Variants in ADAMTS17 observed in about 807,000 individuals in gnomAD.
ADAMTS17 encodes A disintegrin and metalloproteinase with thrombospondin motifs 17.
In ADAMTS17, 113 loss-of-function variants were observed where a neutral mutation model predicts 141.5. The observed-to-expected ratio is 0.80, with a 90% CI of 0.69 to 0.93. The LOEUF (loss-of-function observed/expected upper bound fraction) is 0.93, where lower values mean the gene tolerates loss of function less well. ADAMTS17 is among the 40% of genes least tolerant of loss of function. The pLI, the probability that ADAMTS17 is intolerant of heterozygous loss-of-function variation, is 0.00. For synonymous variants in ADAMTS17, 768 were observed against 630.6 expected (o/e 1.22, Z -3.27); for missense variants, 1,659 against 1,517.9 (o/e 1.09, Z -1.54).
intron 18 of ADAMTS17, among the ~76,000 whole-genome samples, chr15:100,005,653 C>T (rs187058009): frequency 5.8e-4 from 89 of 152,236 alleles, no homozygotes; most frequent in African/African-American, 1.9e-3. Context: ...ATTACCAACC[C>T]GATAATCAGT....
At chr15:100,155,001 C>A (rs562700557) in intron 9 of ADAMTS17, among the ~76,000 whole-genome samples, 179 bp downstream of exon 9, 2 of 152,216 alleles carry the variant, frequency 1.3e-5, no homozygotes, top group Non-Finnish European at 2.9e-5. Context: ...GGAGCAGATG[C>A]GCATGTGGGA....
intron 18 of ADAMTS17, among the ~76,000 whole-genome samples, chr15:100,024,048 C>T (rs572038291): frequency 8.5e-5 from 13 of 152,170 alleles, no homozygotes; most frequent in Admixed American, 1.3e-4. Flanking sequence ...CTATTGATAG[C>T]GAAGCAATTC....
At chr15:100,016,623 T>C (rs990752289) in intron 18 of ADAMTS17, among the ~76,000 whole-genome samples, 115 of 152,316 alleles carry the variant, frequency 7.6e-4, no homozygotes, top group East Asian at 1.2e-3. Context: ...ACTGAAGTGA[T>C]TGCTGTCTCT....
intron 15 of ADAMTS17, among the ~76,000 whole-genome samples, chr15:100,088,429 A>C (rs1366198382): frequency 6.6e-6 from 1 of 152,242 alleles, no homozygotes; most frequent in African/African-American, 2.4e-5. Flanking sequence ...TAATTTATAG[A>C]TTCAATGACA....
At chr15:100,044,140 T>G (rs552845960) in intron 18 of ADAMTS17, among the ~76,000 whole-genome samples, 2 of 152,344 alleles carry the variant, frequency 1.3e-5, no homozygotes, top group African/African-American at 2.4e-5. Flanking sequence ...GTTATGGCAC[T>G]TTGAATTAAT....
intron 8 of ADAMTS17, among the ~76,000 whole-genome samples, chr15:100,183,017 C>G (rs1036917076): frequency 2.0e-5 from 3 of 151,936 alleles, no homozygotes; most frequent in African/African-American, 7.3e-5. Context: ...GAGACAGAGT[C>G]TCGCACTGTC....
chr15:100,326,564 T>C (rs1157225836), intron 3 of ADAMTS17, among the ~76,000 whole-genome samples: 1 of 152,238 alleles, frequency 6.6e-6, no homozygotes, highest in East Asian at 1.9e-4. Flanking sequence ...GGATTACACC[T>C]GGATTTGAGA....
chr15:100,004,944 T>C lies in ADAMTS17; in HGVS notation c.2592-7355A>G, dbSNP rs114573908. Among the ~76,000 whole-genome samples, 1,391 of 152,322 alleles carry C rather than the reference T, an allele frequency of 9.1e-3. 27 individuals are homozygous for C. Among genetic ancestry groups the C allele is most frequent in the African/African-American group, 0.032 (1,310 of 41,572 alleles). On this transcript the variant is annotated intron_variant, in intron 18 of 21. Transcript: ENST00000268070. ...CTCATTTTTGAAGTTTTAGTAGAGA[T>C]GGAGTTTTGGCATGTATGCCAGGCT... is the stretch of plus-strand genomic sequence containing the variant.
intron 17 of ADAMTS17, among the ~76,000 whole-genome samples, chr15:100,050,519 G>A (rs2032058015): frequency 6.6e-6 from 1 of 152,230 alleles, no homozygotes; most frequent in South Asian, 2.1e-4. Flanking sequence ...GCAGGAATAG[G>A]CTAAGCACAG....
At chr15:100,089,304 T>C (rs1466054448) in intron 15 of ADAMTS17, among the ~76,000 whole-genome samples, 1 of 127,820 alleles carries the variant, frequency 7.8e-6, no homozygotes, top group Non-Finnish European at 1.5e-5. Context: ...TCACACCAGT[T>C]AGAATGGCAA....
chr15:100,048,952 G>A lies in ADAMTS17; in HGVS notation c.2496C>T (p.Asn832=), dbSNP rs528355890. The A allele has an allele frequency of 1.2e-6, 2 of 1,614,166 alleles. No homozygotes were observed. Among genetic ancestry groups the A allele is most frequent in the Non-Finnish European group, 1.7e-6 (2 of 1,180,040 alleles). ...TGTCGTTCACCAGAGTTGTGGTCTT[G>A]TTGACAATCCGTGTACACGAGACGA... ...RTIVSCTRIV[N]KTTTLVNDSD... The change falls in exon 18 of 22, where the codon AAC becomes AAT. Residue 832 remains asparagine, a synonymous_variant. Coordinates refer to ENST00000268070, the MANE Select transcript of ADAMTS17 (RefSeq NM_139057.4).
intron 10 of ADAMTS17, among the ~76,000 whole-genome samples, chr15:100,145,536 T>C (rs894664026): frequency 3.5e-4 from 54 of 152,328 alleles, no homozygotes; most frequent in African/African-American, 1.2e-3. Flanking sequence ...CTGGTGTGAC[T>C]GCTAATGAGA....
At chr15:100,274,816 T>A (rs561589770) in intron 4 of ADAMTS17, among the ~76,000 whole-genome samples, 11 of 150,294 alleles carry the variant, frequency 7.3e-5, no homozygotes, top group South Asian at 2.1e-4. Context: ...ATACATATAT[T>A]TTTTTTTGGT....
At chr15:100,179,928 C>G (rs1193528506) in intron 8 of ADAMTS17, among the ~76,000 whole-genome samples, 2 of 152,172 alleles carry the variant, frequency 1.3e-5, no homozygotes, top group Admixed American at 6.5e-5. Flanking sequence ...GGTTATTAAT[C>G]TCTTGTCAGA....
At chr15:99,980,165 A>G (rs868638853) in intron 20 of ADAMTS17, 2 of 152,230 alleles carry the variant, frequency 1.3e-5, no homozygotes, top group African/African-American at 4.8e-5. Context: ...TACTAAAAAT[A>G]TAAAAATTAG....
intron 7 of ADAMTS17, among the ~76,000 whole-genome samples, chr15:100,229,572 C>T (rs2042413629): frequency 6.6e-6 from 1 of 152,168 alleles, no homozygotes; most frequent in African/African-American, 2.4e-5. Context: ...TCCCGCTAAA[C>T]TAAAAAGGAC....
intron 18 of ADAMTS17, among the ~76,000 whole-genome samples, chr15:100,027,931 T>C (rs1357269614): frequency 1.3e-5 from 2 of 152,094 alleles, no homozygotes; most frequent in African/African-American, 4.8e-5. Flanking sequence ...GTCCTACCAC[T>C]TGATAGCCAC....
chr15:99,979,846 A>T (rs1224128291), intron 20 of ADAMTS17: 1 of 152,264 alleles, frequency 6.6e-6, no homozygotes, highest in Non-Finnish European at 1.5e-5. Flanking sequence ...TTAAATATGA[A>T]TGTATAACTA....
At chr15:100,293,206 G>A (rs118061019) in intron 3 of ADAMTS17, among the ~76,000 whole-genome samples, 1,700 of 152,246 alleles carry the variant, frequency 0.011, 15 homozygotes, top group Non-Finnish European at 0.017. Context: ...GGGGAGGATG[G>A]GAGTGGGGGG....
Sources: allele counts gnomAD v4.1 joint callset (sites outside exome capture counted in the v4.1 genomes callset), GRCh38; gene constraint gnomAD v4.1.1; transcripts MANE v1.5; gene names NCBI Gene and HGNC (gene_info 2026-07-23, HGNC 2026-07-21).